The following OXSR1 variants were observed in gnomAD, a reference collection of about 807,000 sequenced individuals.
OXSR1 encodes serine/threonine-protein kinase OSR1.
OXSR1 carries 24 observed loss-of-function variants against 79.8 expected under a neutral mutation model. That is an observed-to-expected ratio of 0.30 (90% confidence interval 0.22 to 0.42). The LOEUF is 0.42. Among genes scored for constraint, OXSR1 ranks in the 10% least tolerant of loss-of-function variants. OXSR1 has a pLI of 1.00. For synonymous variants in OXSR1, 226 were observed against 209.2 expected, an observed-to-expected ratio of 1.08 and a Z score of -0.69; for missense variants, 430 against 618.4, an observed-to-expected ratio of 0.70 and a Z score of 3.23.
At chr3:38,186,134 TAGAC>T (rs1559504109) in intron 2 of OXSR1, among the ~76,000 whole-genome samples, 2 of 151,692 alleles carry the variant, frequency 1.3e-5, no homozygotes, top group Non-Finnish European at 2.9e-5. Flanking sequence ...GAAAGAATAG[TAGAC>T]AGCCTAGAAA....
At chr3:38,250,124 T>C (rs1703225691) in intron 15 of OXSR1, 106 bp downstream of exon 15, 4 of 819,476 alleles carry the variant, frequency 4.9e-6, no homozygotes, top group Non-Finnish European at 8.1e-6. Context: ...TAAAGGATAA[T>C]AAAAATTTTC....
intron 3 of OXSR1, chr3:38,193,229 A>G: frequency 7.9e-7 from 1 of 1,272,924 alleles, no homozygotes; most frequent in Non-Finnish European, 1.0e-6. Context: ...AGCCCTTGTT[A>G]TTTGATGCTT....
intron 1 of OXSR1, among the ~76,000 whole-genome samples, chr3:38,180,882 G>A (rs1701772359): frequency 6.6e-6 from 1 of 151,810 alleles, no homozygotes. Flanking sequence ...TGACCCTCCT[G>A]CTTCCCTCTT....
chr3:38,172,249 C>T (rs1322503472), intron 1 of OXSR1, among the ~76,000 whole-genome samples: 1 of 151,942 alleles, frequency 6.6e-6, no homozygotes, highest in Non-Finnish European at 1.5e-5. Flanking sequence ...ATTTTATTTT[C>T]GCATCTTTTT....
chr3:38,206,090 A>T (rs981123163), intron 4 of OXSR1, among the ~76,000 whole-genome samples: 1 of 152,220 alleles, frequency 6.6e-6, no homozygotes, highest in African/African-American at 2.4e-5. Flanking sequence ...AAAAGTTATT[A>T]TATTTTGTAT....
chr3:38,197,042 T>C (rs1010993096), intron 3 of OXSR1, among the ~76,000 whole-genome samples: 1 of 152,250 alleles, frequency 6.6e-6, no homozygotes, highest in Non-Finnish European at 1.5e-5. Context: ...GTGGCCTGGA[T>C]TTCCTGAACG....
In OXSR1 at chr3:38,255,181, A is replaced by C. The variant is rs1257905461; in HGVS notation, c.*2290A>C. On this transcript the variant is annotated 3_prime_UTR_variant, in exon 18 of 18. Coordinates refer to ENST00000311806, the MANE Select transcript of OXSR1 (RefSeq NM_005109.3). ...GGTCCCAGGATCCCCTTGTCCCTGGAGTAGGGACTAACTATAGCACAAAGT... is the reference window on the plus strand; with the variant it reads ...GGTCCCAGGATCCCCTTGTCCCTGGCGTAGGGACTAACTATAGCACAAAGT... 1 of 152,650 alleles carries C rather than the reference A, an allele frequency of 6.6e-6. No homozygotes were observed. The highest frequency in any genetic ancestry group is 1.5e-5 in the Non-Finnish European group (1 of 68,042). The allele number at this position is 152,650 out of a possible 1,614,324, so 9.5% of individuals were successfully genotyped here. A position where few individuals can be genotyped will look rare whatever the true frequency, so the allele number is the denominator to read the frequency against.
At chr3:38,214,848 A>G (rs1702452093) in intron 4 of OXSR1, among the ~76,000 whole-genome samples, 1 of 152,208 alleles carries the variant, frequency 6.6e-6, no homozygotes, top group Admixed American at 6.5e-5. Flanking sequence ...TTTGCCAAGG[A>G]ATGGTTATAT....
intron 4 of OXSR1, among the ~76,000 whole-genome samples, chr3:38,211,212 G>C (rs1360579681): frequency 5.3e-5 from 8 of 152,120 alleles, no homozygotes; most frequent in Admixed American, 4.6e-4. Flanking sequence ...CATTCTGTCT[G>C]GTCCTTCATA....
chr3:38,182,178 G>A (rs1026842432), intron 1 of OXSR1, among the ~76,000 whole-genome samples: 1 of 152,010 alleles, frequency 6.6e-6, no homozygotes, highest in Admixed American at 6.6e-5. Flanking sequence ...TATTCTTCTG[G>A]CACCTCTAGA....
intron 4 of OXSR1, among the ~76,000 whole-genome samples, chr3:38,214,328 G>GT (rs1367163386): frequency 6.6e-6 from 1 of 152,100 alleles, no homozygotes; most frequent in African/African-American, 2.4e-5. Context: ...ATAATGCTAA[G>GT]TAAGTACAGG....
At chr3:38,246,567 G>A (rs758875025) in intron 13 of OXSR1, among the ~76,000 whole-genome samples, 7 of 151,962 alleles carry the variant, frequency 4.6e-5, no homozygotes, top group Non-Finnish European at 8.8e-5. Context: ...TACTGTTTTT[G>A]TTGTTGTTGT....
intron 1 of OXSR1, among the ~76,000 whole-genome samples, chr3:38,172,823 A>G (rs534448849): frequency 1.3e-5 from 2 of 152,358 alleles, no homozygotes; most frequent in African/African-American, 2.4e-5. Context: ...AATGGAAATA[A>G]TAGTGGCTTA....
At chr3:38,226,393 C>T (rs1193975173) in intron 8 of OXSR1, among the ~76,000 whole-genome samples, 1 of 152,020 alleles carries the variant, frequency 6.6e-6, no homozygotes, top group Non-Finnish European at 1.5e-5. Context: ...GTGACTATGA[C>T]AGAAGAACCA....
At chr3:38,245,607 A>G (rs1187999047) in intron 12 of OXSR1, among the ~76,000 whole-genome samples, 1 of 152,206 alleles carries the variant, frequency 6.6e-6, no homozygotes, top group Non-Finnish European at 1.5e-5. Context: ...AATATAATGC[A>G]AACTGAAGAC....
chr3:38,223,664 G>T (rs1702633404), intron 6 of OXSR1, 148 bp from the exon 7 acceptor site: 1 of 475,922 alleles, frequency 2.1e-6, no homozygotes, highest in East Asian at 3.4e-5. Flanking sequence ...TGGTCAGGCC[G>T]GTCTTGAACT....
intron 1 of OXSR1, among the ~76,000 whole-genome samples, chr3:38,181,718 G>A (rs1462145787): frequency 6.6e-6 from 1 of 152,082 alleles, no homozygotes; most frequent in East Asian, 1.9e-4. Flanking sequence ...TTCTTGTCAG[G>A]TAATTCCAAC....
At chr3:38,249,816 C>A in intron 14 of OXSR1, 150 bp from the exon 15 acceptor site, 1 of 612,036 alleles carries the variant, frequency 1.6e-6, no homozygotes, top group South Asian at 1.9e-5. Flanking sequence ...TTGCTCTGAG[C>A]TCTGCAGTGT....
chr3:38,179,735 T>A (rs1056392099), intron 1 of OXSR1, among the ~76,000 whole-genome samples: 2 of 152,132 alleles, frequency 1.3e-5, no homozygotes, highest in African/African-American at 4.8e-5. Context: ...GTGTGAAAAG[T>A]CAGCCCTCCA....
Sources: gnomAD v4.1 joint callset for allele counts (sites outside exome capture counted in the v4.1 genomes callset) on GRCh38, gnomAD v4.1.1 for gene constraint, MANE v1.5 for transcripts, NCBI Gene and HGNC (gene_info 2026-07-23, HGNC 2026-07-21) for gene names.